CFLAR: variants seen among roughly 807,000 people sequenced by gnomAD.
CFLAR encodes the protein CASP8 and FADD like apoptosis regulator.
In CFLAR, 14 loss-of-function variants were observed where a neutral mutation model predicts 51.1. That is an observed-to-expected ratio of 0.27 (90% confidence interval 0.18 to 0.43). The LOEUF (loss-of-function observed/expected upper bound fraction) is 0.43. Among genes scored for constraint, CFLAR ranks in the 20% least tolerant of loss-of-function variants. CFLAR has a pLI of 1.00. For synonymous variants in CFLAR, 210 were observed against 211.6 expected (o/e 0.99, Z 0.06); for missense variants, 390 against 566.5 (o/e 0.69, Z 3.16).
At chr2:201,149,103 A>T (rs17860389) in intron 7 of CFLAR, 51 bp downstream of exon 7, 40,411 of 1,226,836 alleles carry the variant, frequency 0.033, 962 homozygotes, top group South Asian at 0.062. Flanking sequence ...GCTGTGGATA[A>T]CCCTGACTTC....
intron 8 of CFLAR, among the ~76,000 whole-genome samples, chr2:201,151,505 T>TA (rs1941274014): frequency 6.6e-6 from 1 of 152,188 alleles, no homozygotes; most frequent in Admixed American, 6.5e-5. Context: ...GGATTTCAGA[T>TA]ACGATCCTGC....
intron 1 of CFLAR, among the ~76,000 whole-genome samples, chr2:201,121,484 C>T (rs959195241): frequency 3.3e-5 from 5 of 152,134 alleles, no homozygotes; most frequent in Admixed American, 3.3e-4. Flanking sequence ...GAGTAGGTAC[C>T]AGGGATGGTG....
intron 9 of CFLAR, 130 bp downstream of exon 9, chr2:201,161,072 G>T (rs1169876282): frequency 1.7e-5 from 11 of 651,426 alleles, no homozygotes; most frequent in Middle Eastern, 4.2e-4. Context: ...CTCCTGCATT[G>T]GGCTTGCCCT....
At position 201,160,669 on chromosome 2, in the gene CFLAR, C is replaced by T. The variant is rs770263554; in HGVS notation, c.1031C>T (p.Ser344Leu). ...HHIRRMFMGD[S>L]CPYLAGKPKM... is the part of the protein sequence containing the mutation. The stretch of plus-strand genomic sequence containing the variant: ...ATCAGGAGGATGTTCATGGGAGATT[C>T]ATGCCCTTATCTAGCAGGGAAGCCA... Residue 344 changes from serine (S) to leucine (L), a missense_variant, in exon 9 of 10, where the codon TCA (serine) becomes TTA (leucine). Transcript: ENST00000309955. The T allele has an allele frequency of 6.2e-7, 1 of 1,614,124 alleles. No homozygotes were observed. Among genetic ancestry groups the T allele is most frequent in the South Asian group, 1.1e-5 (1 of 91,074 alleles).
In CFLAR at chr2:201,165,354, T is replaced by A. The variant is rs1396289019; in HGVS notation, c.*1381T>A. On this transcript the variant is annotated 3_prime_UTR_variant, in exon 10 of 10. Coordinates refer to ENST00000309955, the MANE Select transcript of CFLAR (RefSeq NM_003879.7). Reference sequence around the variant, plus strand: ...GGCATCATCTTGGCTCATTGCAACCTCTGCCTTCTGGGTTCAAGCGATTCT... The same window carrying A: ...GGCATCATCTTGGCTCATTGCAACCACTGCCTTCTGGGTTCAAGCGATTCT... 1 of 151,110 alleles carries A rather than the reference T, an allele frequency of 6.6e-6. No individual in the cohort carries two copies. The highest frequency in any genetic ancestry group is 1.5e-5 in the Non-Finnish European group (1 of 67,822). 9.4% of individuals were successfully genotyped at this position (151,110 alleles called of 1,614,324 possible). A position where few individuals can be genotyped will look rare whatever the true frequency, so the allele number is the denominator to read the frequency against.
At chr2:201,149,886 C>A in intron 8 of CFLAR, 51 bp downstream of exon 8, 2 of 1,336,396 alleles carry the variant, frequency 1.5e-6, no homozygotes, top group Non-Finnish European at 2.2e-6. Context: ...GAGATCATGG[C>A]ACAGGCAAGC....
At chr2:201,149,940 G>T (rs528735715) in intron 8 of CFLAR, 105 bp downstream of exon 8, 11 of 845,690 alleles carry the variant, frequency 1.3e-5, no homozygotes, top group Admixed American at 3.9e-5. Context: ...TGACAAACCA[G>T]TTCAAGAATC....
chr2:201,149,251 G>C, intron 7 of CFLAR, 199 bp downstream of exon 7: 2 of 478,392 alleles, frequency 4.2e-6, no homozygotes, highest in Non-Finnish European at 7.6e-6. Context: ...GTGAACTTTG[G>C]AATGCAGGGA....
rs1485293055 is a variant in CFLAR, at chr2:201,166,920, C to T, written c.*2947C>T. The T allele has an allele frequency of 3.2e-5, 2 of 61,990 alleles. No homozygotes were observed. Among genetic ancestry groups the T allele is most frequent in the African/African-American group, 1.2e-4 (2 of 16,776 alleles). 3.8% of individuals were successfully genotyped at this position (61,990 alleles called of 1,614,324 possible). Reference sequence around the variant, plus strand: ...TGAGCCGAGATGGCAGCAGTACAGTCCAGCTTCGGCTCGGCATCAGAGGGA... The same window carrying T: ...TGAGCCGAGATGGCAGCAGTACAGTTCAGCTTCGGCTCGGCATCAGAGGGA... On this transcript the variant is annotated 3_prime_UTR_variant, in exon 10 of 10. Transcript: ENST00000309955.
intron 1 of CFLAR, 31 bp from the exon 2 acceptor site, chr2:201,129,698 G>A (rs985965766): frequency 4.2e-5 from 27 of 636,206 alleles, no homozygotes; most frequent in African/African-American, 3.6e-4. Flanking sequence ...AGCTTGATAA[G>A]ATTTTCAGAA....
rs1944139127 is a variant in CFLAR, at chr2:201,174,553, T to G, written c.*10580T>G. 2.0e-5 allele frequency: 3 copies of G among 152,282 alleles called. No homozygotes were observed. In the South Asian group the frequency reaches 6.2e-4, roughly 32 times the overall value. 9.4% of individuals were successfully genotyped at this position (152,282 alleles called of 1,614,324 possible). On this transcript the variant is annotated 3_prime_UTR_variant, in exon 10 of 10. Transcript: ENST00000309955. Reference sequence around the variant, plus strand: ...AACTTTGTTGTTGTTGTTGTTCTTCTTTTTTCTTTTGTAGAGATGAGGCCT... The same window carrying G: ...AACTTTGTTGTTGTTGTTGTTCTTCGTTTTTCTTTTGTAGAGATGAGGCCT...
chr2:201,139,237 T>C (rs576559260), intron 4 of CFLAR: 10 of 352,434 alleles, frequency 2.8e-5, no homozygotes, highest in African/African-American at 2.1e-4. Context: ...GAAGGCAGCG[T>C]GCTCGTTAAG....
At chr2:201,125,271 G>A (rs1284589269) in intron 1 of CFLAR, among the ~76,000 whole-genome samples, 1 of 152,122 alleles carries the variant, frequency 6.6e-6, no homozygotes, top group East Asian at 1.9e-4. Flanking sequence ...GAGGCATGTT[G>A]AGAAGTGAAT....
rs1254966740 is a variant in CFLAR at position 201,171,661 on chromosome 2, A to C, written c.*7688A>C. 6.9e-6 allele frequency: 1 copy of C among 145,482 alleles called. No individual in the cohort carries two copies. The highest frequency in any genetic ancestry group is 2.1e-4 in the South Asian group (1 of 4,678). The allele number at this position is 145,482 out of a possible 1,614,324, so 9.0% of individuals were successfully genotyped here. The stretch of plus-strand genomic sequence containing the variant: ...TTGTATCCAGAACTTAAAATATTTT[A>C]AAAATCTTTAGAGAATACAAAAAAA... On this transcript the variant is annotated 3_prime_UTR_variant, in exon 10 of 10. Transcript: ENST00000309955.
intron 1 of CFLAR, among the ~76,000 whole-genome samples, chr2:201,127,299 T>G (rs1185677568): frequency 6.6e-6 from 1 of 152,034 alleles, no homozygotes; most frequent in Non-Finnish European, 1.5e-5. Flanking sequence ...GGACACTGAG[T>G]CCAGCAGCTC....
intron 1 of CFLAR, chr2:201,117,106 G>C (rs531953615): frequency 1.3e-5 from 2 of 152,300 alleles, no homozygotes; most frequent in African/African-American, 4.8e-5. Context: ...TCACTCAGTG[G>C]GAGCCGCCGC....
rs1428769257 is a variant in CFLAR at position 201,163,963 on chromosome 2, C to T, written c.1433C>T (p.Ser478Phe). ...QHTLRKKLIL[S>F]YT ...ACTCTGAGAAAGAAACTTATCCTCT[C>T]CTACACATAAGAAACCAAAAGGCTG... Residue 478 changes from serine (S) to phenylalanine (F), a missense_variant, in exon 10 of 10, where the codon TCC (serine) becomes TTC (phenylalanine). Coordinates refer to ENST00000309955, the MANE Select transcript of CFLAR (RefSeq NM_003879.7). The T allele has an allele frequency of 1.9e-6, 3 of 1,613,124 alleles. No individual in the cohort carries two copies. Among genetic ancestry groups the T allele is most frequent in the African/African-American group, 2.7e-5 (2 of 74,864 alleles).
Position 201,161,904 on chromosome 2 carries a change from A to T in CFLAR, c.1304+962A>T, listed in dbSNP as rs371297662. On this transcript the variant is annotated intron_variant, in intron 9 of 9. Transcript: ENST00000309955. ...TGGGATTACAGGCGTCCGCCATCAC[A>T]CCTGGCTAATTTTTGTATTTTTAGT... is the stretch of plus-strand genomic sequence containing the variant. 4.0e-5 allele frequency among the ~76,000 whole-genome samples: 6 copies of T among 150,502 alleles called. No homozygotes were observed. In the East Asian group the frequency reaches 9.8e-4, roughly 25 times the overall value.
rs1171826169 is a variant in CFLAR at position 201,162,621 on chromosome 2, G to GGACAGAAAGGACA, written c.1305-1213_1305-1212insACAGAAAGGACAG. ...TATTTTTCTTGATCTTGACAGATTT[G>GGACAGAAAGGACA]GCATCCTTTCACCTGGCTGTGAGCA... On this transcript the variant is annotated intron_variant, in intron 9 of 9. Transcript: ENST00000309955. 3 of 204,226 alleles carry GGACAGAAAGGACA rather than the reference G, an allele frequency of 1.5e-5. No homozygotes were observed. The East Asian group carries it at 3.6e-4, about 25-fold the overall frequency. 12.7% of individuals were successfully genotyped at this position (204,226 alleles called of 1,614,324 possible).
Sources: allele counts gnomAD v4.1 joint callset (sites outside exome capture counted in the v4.1 genomes callset), GRCh38; gene constraint gnomAD v4.1.1; transcripts MANE v1.5; gene names NCBI Gene and HGNC (gene_info 2026-07-23, HGNC 2026-07-21).